Variants in AKAP13 observed in about 807,000 individuals in gnomAD.
AKAP13 encodes A-kinase anchor protein 13.
A neutral mutation model predicts 264.5 loss-of-function variants in AKAP13; 80 were observed. The ratio of observed to expected loss-of-function variants is 0.30; its 90% CI spans 0.25 to 0.36. The LOEUF (loss-of-function observed/expected upper bound fraction) is 0.36. AKAP13 is among the 10% of genes least tolerant of loss of function. AKAP13 has a pLI of 1.00. For missense variants in AKAP13, 3,712 were observed against 3,435.2 expected (o/e 1.08, Z -2.01); for synonymous variants, 1,380 against 1,250.2 (o/e 1.10, Z -2.19).
chr15:85,504,692 TCC>T (rs2076152764), intron 2 of AKAP13, among the ~76,000 whole-genome samples: 1 of 44,816 alleles, frequency 2.2e-5, no homozygotes. Flanking sequence ...ACACCCTGTC[TCC>T]AAAAAAAAAA....
intron 9 of AKAP13, among the ~76,000 whole-genome samples, chr15:85,641,131 C>T (rs1353067194): frequency 1.3e-4 from 20 of 152,064 alleles, no homozygotes; most frequent in Admixed American, 1.3e-3. Flanking sequence ...CTCAAGAGAG[C>T]AATAGCATTA....
chr15:85,452,234 T>TA (rs1298117653), intron 1 of AKAP13, among the ~76,000 whole-genome samples: 2 of 139,866 alleles, frequency 1.4e-5, no homozygotes, highest in African/African-American at 2.7e-5. Flanking sequence ...TTTTTTTTTT[T>TA]AAATACTGGT....
chr15:85,475,650 A>G (rs1187451810), intron 1 of AKAP13, among the ~76,000 whole-genome samples: 3 of 152,172 alleles, frequency 2.0e-5, no homozygotes, highest in Non-Finnish European at 4.4e-5. Flanking sequence ...CTGGCAGATT[A>G]AGCAAATTGC....
At chr15:85,563,162 T>A (rs1175986094) in intron 5 of AKAP13, among the ~76,000 whole-genome samples, 14 of 152,002 alleles carry the variant, frequency 9.2e-5, no homozygotes, top group Admixed American at 9.2e-4. Flanking sequence ...TCTAGGGAAG[T>A]CTCAGTTGAA....
rs2084465808 is a variant in AKAP13 at position 85,679,559 on chromosome 15, AAT to A, written c.5102-2595_5102-2594del. ...GTTGTGGATTTTCAAGGCAGTGTTC[AAT>A]ATACTGTTTCTCCCAAATGTATTAA... On this transcript the variant is annotated intron_variant, in intron 14 of 36. Coordinates refer to ENST00000394518, the MANE Select transcript of AKAP13 (RefSeq NM_007200.5). Among the ~76,000 whole-genome samples the A allele has an allele frequency of 2.0e-5, 3 of 152,180 alleles. No individual in the cohort carries two copies. In the South Asian group the frequency reaches 6.2e-4, roughly 31 times the overall value.
chr15:85,678,316 A>G (rs1334095386), intron 14 of AKAP13, among the ~76,000 whole-genome samples: 1 of 152,226 alleles, frequency 6.6e-6, no homozygotes, highest in East Asian at 1.9e-4. Flanking sequence ...AAGTTTCAGC[A>G]ATATTAAGTG....
intron 1 of AKAP13, among the ~76,000 whole-genome samples, chr15:85,399,194 G>A (rs998837899): frequency 2.6e-5 from 4 of 152,108 alleles, no homozygotes; most frequent in Admixed American, 1.3e-4. Flanking sequence ...TAGAAAACAC[G>A]TTTTTAAAGT....
chr15:85,682,298 T>G, intron 15 of AKAP13, 86 bp downstream of exon 15: 1 of 1,325,538 alleles, frequency 7.5e-7, no homozygotes, highest in South Asian at 1.3e-5. Context: ...GTAAACTAAG[T>G]TAATTGAGCT....
At chr15:85,635,134 C>G in intron 8 of AKAP13, 1 of 398,130 alleles carries the variant, frequency 2.5e-6, no homozygotes, top group Non-Finnish European at 4.4e-6. Context: ...TTATGAAAAA[C>G]TGCTAAACTG....
intron 1 of AKAP13, among the ~76,000 whole-genome samples, chr15:85,408,368 C>T (rs2071774816): frequency 6.6e-6 from 1 of 151,842 alleles, no homozygotes; most frequent in Admixed American, 6.5e-5. Flanking sequence ...AGTGCAGAGG[C>T]AGTGGCATTT....
chr15:85,498,147 AAC>A (rs2075925904), intron 2 of AKAP13, among the ~76,000 whole-genome samples: 1 of 149,632 alleles, frequency 6.7e-6, no homozygotes, highest in Non-Finnish European at 1.5e-5. Context: ...CCTGAGGGAG[AAC>A]AGTCATGTTT....
At chr15:85,470,148 G>A (rs1485156920) in intron 1 of AKAP13, among the ~76,000 whole-genome samples, 1 of 152,170 alleles carries the variant, frequency 6.6e-6, no homozygotes, top group African/African-American at 2.4e-5. Flanking sequence ...AATTAGCCGG[G>A]CATTGTGGTG....
rs758765351 is a variant in AKAP13 at position 85,722,820 on chromosome 15, C to T, written c.6497-252C>T. On this transcript the variant is annotated intron_variant, in intron 25 of 36. Transcript: ENST00000394518. ...TGCTATTACTGTCCCTCCTAGAAGT[C>T]TTTAGTTCCTTTTATTTCAGAGCAC... Among the ~76,000 whole-genome samples the T allele has an allele frequency of 2.6e-5, 4 of 151,656 alleles. No homozygotes were observed. In the East Asian group the frequency reaches 7.7e-4, roughly 29 times the overall value.
chr15:85,581,116 C>T lies in AKAP13; in HGVS notation c.3048C>T (p.Ser1016=). 4 of 1,613,914 alleles carry T rather than the reference C, an allele frequency of 2.5e-6. No individual in the cohort carries two copies. Among genetic ancestry groups the T allele is most frequent in the Non-Finnish European group, 3.4e-6 (4 of 1,179,858 alleles). The change falls in exon 7 of 37, where the codon AGC becomes AGT. Residue 1016 remains serine (S), a synonymous_variant. Coordinates refer to ENST00000394518, the MANE Select transcript of AKAP13 (RefSeq NM_007200.5). The part of the protein sequence containing the change: ...SLLTQGGAAQ[S]LVPPGASLAT... ...TGACTCAAGGTGGGGCTGCCCAGAG[C>T]CTGGTGCCACCAGGAGCAAGTCTGG...
chr15:85,685,838 A>C (rs962509767), intron 16 of AKAP13, among the ~76,000 whole-genome samples: 1 of 152,174 alleles, frequency 6.6e-6, no homozygotes, highest in Non-Finnish European at 1.5e-5. Context: ...GGAAATCTTC[A>C]AAATCTAAAA....
chr15:85,500,450 T>G (rs1376477407), intron 2 of AKAP13, among the ~76,000 whole-genome samples: 1 of 152,224 alleles, frequency 6.6e-6, no homozygotes, highest in Non-Finnish European at 1.5e-5. Context: ...CTTTGGAAAT[T>G]CTGTCACCTG....
At chr15:85,644,807 A>T (rs2082479687) in intron 9 of AKAP13, among the ~76,000 whole-genome samples, 1 of 152,158 alleles carries the variant, frequency 6.6e-6, no homozygotes, top group African/African-American at 2.4e-5. Flanking sequence ...CGGAAGTTGC[A>T]AAAACTTATT....
intron 15 of AKAP13, 35 bp downstream of exon 15, chr15:85,682,247 A>G: frequency 1.3e-6 from 2 of 1,594,744 alleles, no homozygotes; most frequent in Non-Finnish European, 1.7e-6. Context: ...TTCCAGAAAT[A>G]AAATGAAGAA....
intron 1 of AKAP13, among the ~76,000 whole-genome samples, chr15:85,444,512 G>A (rs976181322): frequency 2.0e-5 from 3 of 152,216 alleles, no homozygotes; most frequent in African/African-American, 7.2e-5. Context: ...CTACATGGGA[G>A]CAAGCAGTTG....
Sources: allele counts gnomAD v4.1 joint callset (sites outside exome capture counted in the v4.1 genomes callset), GRCh38; gene constraint gnomAD v4.1.1; transcripts MANE v1.5; gene names NCBI Gene and HGNC (gene_info 2026-07-23, HGNC 2026-07-21).